DHCR24: variants seen among roughly 807,000 people sequenced by gnomAD.
The protein encoded by DHCR24 is delta(24)-sterol reductase.
In DHCR24, 28 loss-of-function variants were observed where a neutral mutation model predicts 61.2. That is an observed-to-expected ratio of 0.46 (90% CI 0.34 to 0.63). The LOEUF (loss-of-function observed/expected upper bound fraction) is 0.63, where lower values mean the gene tolerates loss of function less well. Among genes scored for constraint, DHCR24 ranks in the 20% least tolerant of loss-of-function variants. The probability of loss-of-function intolerance (pLI) is 0.01; values close to 1 mark genes in which losing one functional copy is unlikely to be tolerated. For missense variants in DHCR24, 538 were observed against 679.1 expected (o/e 0.79, Z 2.31); for synonymous variants, 261 against 275.9 (o/e 0.95, Z 0.54).
At chr1:54,875,287 C>A in intron 3 of DHCR24, 76 bp from the exon 4 acceptor site, 1 of 1,324,828 alleles carries the variant, frequency 7.5e-7, no homozygotes, top group Non-Finnish European at 1.1e-6. Context: ...AGCTGGGGGG[C>A]CTCCTAGCAT....
intron 6 of DHCR24, 57 bp from the exon 7 acceptor site, chr1:54,854,291 C>T: frequency 6.6e-7 from 1 of 1,505,276 alleles, no homozygotes; most frequent in South Asian, 1.2e-5. Context: ...TGAATGTCTC[C>T]AAGTGCAAGG....
At chr1:54,855,133 G>A (rs2101556508) in intron 6 of DHCR24, among the ~76,000 whole-genome samples, 1 of 152,254 alleles carries the variant, frequency 6.6e-6, no homozygotes, top group South Asian at 2.1e-4. Context: ...GGTGGCTCAT[G>A]CCTGTAATCC....
intron 5 of DHCR24, among the ~76,000 whole-genome samples, chr1:54,866,259 G>A (rs1442212844): frequency 3.9e-5 from 6 of 152,044 alleles, no homozygotes; most frequent in Non-Finnish European, 2.9e-5. Context: ...TTCTTCACAT[G>A]TAACATGACA....
At chr1:54,877,273 C>T (rs930821993) in intron 2 of DHCR24, among the ~76,000 whole-genome samples, 1 of 151,746 alleles carries the variant, frequency 6.6e-6, no homozygotes, top group Non-Finnish European at 1.5e-5. Context: ...TTCTGTTTTG[C>T]CTTTTTAAAA....
chr1:54,886,453 C>A (rs901736926), intron 1 of DHCR24, among the ~76,000 whole-genome samples: 1 of 152,228 alleles, frequency 6.6e-6, no homozygotes, highest in Non-Finnish European at 1.5e-5. Flanking sequence ...CCGACGTTCT[C>A]CCGCCCCTGC....
chr1:54,875,582 C>T (rs1321844339), intron 3 of DHCR24, among the ~76,000 whole-genome samples: 2 of 151,992 alleles, frequency 1.3e-5, no homozygotes, highest in Non-Finnish European at 2.9e-5. Flanking sequence ...GTTAAAAGAA[C>T]TGAAGGTGTT....
chr1:54,862,843 G>A (rs1339478843), intron 6 of DHCR24, among the ~76,000 whole-genome samples: 10 of 152,040 alleles, frequency 6.6e-5, no homozygotes, highest in Admixed American at 5.9e-4. Flanking sequence ...TTGGGAGGCC[G>A]AGGCGGGTGG....
At chr1:54,879,673 A>G (rs1339755051) in intron 2 of DHCR24, among the ~76,000 whole-genome samples, 1 of 152,204 alleles carries the variant, frequency 6.6e-6, no homozygotes, top group Non-Finnish European at 1.5e-5. Context: ...AATTCCAAAC[A>G]AGAATTATGA....
rs184619913 is a variant in DHCR24, at chr1:54,852,193, G to C, written c.*40C>G. 112 of 1,613,094 alleles carry C rather than the reference G, an allele frequency of 6.9e-5. No homozygotes were observed. In the African/African-American group the frequency reaches 1.2e-3, roughly 17 times the overall value. On this transcript the variant is annotated 3_prime_UTR_variant, in exon 9 of 9. Coordinates refer to ENST00000371269, the MANE Select transcript of DHCR24 (RefSeq NM_014762.4). ...AAGCTTGAGTGAAGGGAAGATGCCT[G>C]ACCACTCACACGTGTCTGTCTCTCC...
chr1:54,853,525 C>T lies in DHCR24; in HGVS notation c.1306G>A (p.Asp436Asn), dbSNP rs955867390. 1.4e-5 allele frequency: 22 copies of T among 1,614,138 alleles called. No individual in the cohort carries two copies. The highest frequency in any genetic ancestry group is 2.2e-5 in the East Asian group (1 of 44,872). ...PKGNEAELYIDIGAYGEPRVK... is the reference protein window; with the variant it reads ...PKGNEAELYINIGAYGEPRVK... Reference sequence around the variant, plus strand: ...CGCGGCTCCCCATATGCTCCAATGTCGATGTAGAGCTCTGCCTCATTTCCT... The same window carrying T: ...CGCGGCTCCCCATATGCTCCAATGTTGATGTAGAGCTCTGCCTCATTTCCT... The change falls in exon 8 of 9, where the codon GAC becomes AAC. Residue 436 changes from aspartate (D) to asparagine (N), a missense_variant. Coordinates refer to ENST00000371269, the MANE Select transcript of DHCR24 (RefSeq NM_014762.4).
chr1:54,875,746 A>T (rs923229335), intron 3 of DHCR24, among the ~76,000 whole-genome samples, 196 bp downstream of exon 3: 4 of 152,212 alleles, frequency 2.6e-5, no homozygotes, highest in Non-Finnish European at 5.9e-5. Context: ...GTGCCTTCTG[A>T]TAACTTGAGC....
intron 5 of DHCR24, among the ~76,000 whole-genome samples, chr1:54,870,085 G>T (rs1028705742): frequency 4.6e-5 from 7 of 151,948 alleles, no homozygotes; most frequent in Non-Finnish European, 8.8e-5. Context: ...AACTGGACAT[G>T]GTGGCACACG....
rs1557803795 is a variant in DHCR24 at position 54,850,275 on chromosome 1, TTAAC to T, written c.*1954_*1957del. On this transcript the variant is annotated 3_prime_UTR_variant, in exon 9 of 9. Transcript: ENST00000371269. ...TTCACTGGCAAAACAATGGCACTGT[TTAAC>T]TAGCTCGTGTTAACCATTCATCTAC... 1 of 152,230 alleles carries T rather than the reference TTAAC, an allele frequency of 6.6e-6. No individual in the cohort carries two copies. Among genetic ancestry groups the T allele is most frequent in the Non-Finnish European group, 1.5e-5 (1 of 68,058 alleles). The allele number at this position is 152,230 out of a possible 1,614,324, so 9.4% of individuals were successfully genotyped here. A position where few individuals can be genotyped will look rare whatever the true frequency, so the allele number is the denominator to read the frequency against.
rs1370096384 is a variant in DHCR24, at chr1:54,852,263, G to A, written c.1521C>T (p.Tyr507=). ...LGCQDAFPEV[Y]DKICKAARH is the part of the protein sequence containing the mutation. ...GCCTGGCGGCCTTGCAGATCTTGTC[G>A]TACACCTCGGGGAAGGCGTCCTGGC... The change falls in exon 9 of 9, where the codon TAC becomes TAT. Residue 507 remains tyrosine (Y), a synonymous_variant. Coordinates refer to ENST00000371269, the MANE Select transcript of DHCR24 (RefSeq NM_014762.4). 6.2e-6 allele frequency: 10 copies of A among 1,614,100 alleles called. No individual in the cohort carries two copies. In the Admixed American group the frequency reaches 8.3e-5, roughly 13 times the overall value.
chr1:54,866,224 C>A (rs1272787739), intron 5 of DHCR24, among the ~76,000 whole-genome samples: 1 of 152,044 alleles, frequency 6.6e-6, no homozygotes, highest in African/African-American at 2.4e-5. Context: ...GGGGACACAC[C>A]CAGGCAGGTC....
At chr1:54,877,847 T>A (rs2101574426) in intron 2 of DHCR24, among the ~76,000 whole-genome samples, 1 of 151,766 alleles carries the variant, frequency 6.6e-6, no homozygotes, top group Non-Finnish European at 1.5e-5. Context: ...CTCCCTCTGC[T>A]AAAAATACAA....
intron 5 of DHCR24, among the ~76,000 whole-genome samples, chr1:54,870,285 G>A (rs181828147): frequency 3.7e-4 from 57 of 152,098 alleles, no homozygotes; most frequent in Admixed American, 7.9e-4. Context: ...ACACAAAACT[G>A]TTATACGTAA....
rs544632060 is a variant in DHCR24, at chr1:54,872,922, G to A, written c.613-1309C>T. Among the ~76,000 whole-genome samples the A allele has an allele frequency of 3.3e-5, 5 of 152,206 alleles. No homozygotes were observed. The South Asian group carries it at 6.2e-4, about 19-fold the overall frequency. On this transcript the variant is annotated intron_variant, in intron 4 of 8. Transcript: ENST00000371269. The stretch of plus-strand genomic sequence containing the variant: ...CCCTCTTCTGTGAAGTGAAGGAGTC[G>A]GGTGGCTCCCTGAAATACCCACTTC...
chr1:54,862,904 G>A (rs554455128), intron 6 of DHCR24, among the ~76,000 whole-genome samples: 20 of 151,968 alleles, frequency 1.3e-4, no homozygotes, highest in African/African-American at 4.6e-4. Context: ...GTGAAACCCC[G>A]TCTCTACTAA....
Sources: allele counts gnomAD v4.1 joint callset (sites outside exome capture counted in the v4.1 genomes callset), GRCh38; gene constraint gnomAD v4.1.1; transcripts MANE v1.5; gene names NCBI Gene and HGNC (gene_info 2026-07-23, HGNC 2026-07-21).